Variants in GPC5 observed in about 807,000 individuals in gnomAD.
GPC5 encodes glypican 5, also known as glypican-5.
Under a neutral mutation model 53.9 loss-of-function variants are expected in GPC5, and 47 were observed. The ratio of observed to expected loss-of-function variants is 0.87; its 90% confidence interval spans 0.69 to 1.11. GPC5 has a LOEUF of 1.11. Among genes scored for constraint, GPC5 ranks in the 50% most tolerant of loss-of-function variants. The probability of loss-of-function intolerance (pLI) is 0.00; values close to 1 mark genes in which losing one functional copy is unlikely to be tolerated. For missense variants in GPC5, 748 were observed against 713.1 expected (o/e 1.05, Z -0.56); for synonymous variants, 286 against 263.3 (o/e 1.09, Z -0.84).
chr13:91,920,004 T>G (rs1041668970), intron 6 of GPC5, among the ~76,000 whole-genome samples: 2 of 152,172 alleles, frequency 1.3e-5, no homozygotes, highest in African/African-American at 4.8e-5. Flanking sequence ...GGTGAAATCC[T>G]TTACTATACC....
At chr13:92,325,839 C>G (rs935347607) in intron 7 of GPC5, among the ~76,000 whole-genome samples, 1 of 151,914 alleles carries the variant, frequency 6.6e-6, no homozygotes, top group South Asian at 2.1e-4. Flanking sequence ...TTCCTATGAA[C>G]GAGGCATGGC....
chr13:92,157,588 A>G (rs1469832274), intron 7 of GPC5, among the ~76,000 whole-genome samples: 1 of 152,220 alleles, frequency 6.6e-6, no homozygotes, highest in South Asian at 2.1e-4. Context: ...AGAATTTACA[A>G]TTACAAATGT....
intron 7 of GPC5, among the ~76,000 whole-genome samples, chr13:92,850,758 C>T (rs9523815): frequency 0.2 from 29,734 of 152,138 alleles, 3,642 homozygotes; most frequent in Non-Finnish European, 0.28. Context: ...CTCTCCCATA[C>T]ATCAGTACTA....
chr13:92,823,687 TAC>T (rs1221818356), intron 7 of GPC5, among the ~76,000 whole-genome samples: 1 of 152,066 alleles, frequency 6.6e-6, no homozygotes, highest in Admixed American at 6.6e-5. Context: ...AATTAAAAAA[TAC>T]AGTGAGATTA....
intron 7 of GPC5, among the ~76,000 whole-genome samples, chr13:92,580,735 G>A (rs191567940): frequency 8.5e-5 from 13 of 152,132 alleles, no homozygotes; most frequent in Admixed American, 7.9e-4. Context: ...CAGATTTTGC[G>A]AGAATTCACT....
At chr13:92,604,187 C>T (rs1884175351) in intron 7 of GPC5, among the ~76,000 whole-genome samples, 1 of 152,054 alleles carries the variant, frequency 6.6e-6, no homozygotes, top group African/African-American at 2.4e-5. Flanking sequence ...AATTACTTTA[C>T]AGGAATTCAC....
chr13:91,494,720 T>G (rs1392788594), intron 2 of GPC5, among the ~76,000 whole-genome samples: 1 of 152,162 alleles, frequency 6.6e-6, no homozygotes, highest in Non-Finnish European at 1.5e-5. Flanking sequence ...CTCCTTCTCT[T>G]TGAAATTTGT....
chr13:92,847,903 T>C (rs1003934929), intron 7 of GPC5, among the ~76,000 whole-genome samples: 1 of 152,180 alleles, frequency 6.6e-6, no homozygotes, highest in Non-Finnish European at 1.5e-5. Context: ...TTTGTAGTAA[T>C]AATTATTTGA....
intron 7 of GPC5, among the ~76,000 whole-genome samples, chr13:92,696,865 A>C (rs950936835): frequency 3.9e-5 from 6 of 152,054 alleles, no homozygotes; most frequent in Admixed American, 6.6e-5. Flanking sequence ...ATCTTGAGTC[A>C]ATTTCTGTAT....
intron 1 of GPC5, among the ~76,000 whole-genome samples, chr13:91,406,675 C>A (rs146174940): frequency 6.6e-6 from 1 of 152,096 alleles, no homozygotes; most frequent in African/African-American, 2.4e-5. Flanking sequence ...GTGGTATCAC[C>A]TAGACGTGCA....
intron 2 of GPC5, among the ~76,000 whole-genome samples, chr13:91,628,431 T>C (rs2034066461): frequency 6.6e-6 from 1 of 152,140 alleles, no homozygotes; most frequent in Non-Finnish European, 1.5e-5. Flanking sequence ...AGGTAGATCA[T>C]ACATATCATG....
intron 7 of GPC5, among the ~76,000 whole-genome samples, chr13:92,419,301 C>A (rs1876457318): frequency 6.6e-6 from 1 of 152,060 alleles, no homozygotes; most frequent in Non-Finnish European, 1.5e-5. Flanking sequence ...AGCTGAGAAA[C>A]TTTTCAGCAT....
chr13:91,987,664 A>G (rs939786656), intron 6 of GPC5, among the ~76,000 whole-genome samples: 1 of 150,294 alleles, frequency 6.7e-6, no homozygotes, highest in African/African-American at 2.4e-5. Context: ...CAGTCCATGT[A>G]TTGCTTTGGT....
At position 92,165,069 on chromosome 13, in the gene GPC5, AG is replaced by A. The variant is rs201256009; in HGVS notation, c.1561+20082del. Among the ~76,000 whole-genome samples the A allele has an allele frequency of 4.5e-3, 679 of 152,276 alleles. 3 individuals are homozygous for A. Among genetic ancestry groups the A allele is most frequent in the East Asian group, 0.043 (221 of 5,160 alleles). ...AACCGTCTTTCCCTCCTGATCCTCT[AG>A]GCCTGTGATGGGAGGGGCTGCCGTG... On this transcript the variant is annotated intron_variant, in intron 7 of 7. Coordinates refer to ENST00000377067, the MANE Select transcript of GPC5 (RefSeq NM_004466.6).
rs190535006 is a variant in GPC5 at position 92,359,702 on chromosome 13, C to T, written c.1561+214713C>T. ...GAAAGCAAAGAGGAAGGAGGCACAT[C>T]TTACATGGCTGAAGCAGGAAGAGAG... On this transcript the variant is annotated intron_variant, in intron 7 of 7. Coordinates refer to ENST00000377067, the MANE Select transcript of GPC5 (RefSeq NM_004466.6). Among the ~76,000 whole-genome samples the T allele has an allele frequency of 3.3e-5, 5 of 151,758 alleles. No individual in the cohort carries two copies. In the East Asian group the frequency reaches 9.7e-4, roughly 29 times the overall value.
chr13:91,421,212 A>C (rs1352112095), intron 1 of GPC5, among the ~76,000 whole-genome samples: 1 of 152,204 alleles, frequency 6.6e-6, no homozygotes, highest in East Asian at 1.9e-4. Flanking sequence ...CTGTTCACAG[A>C]ATCTGTTAGC....
chr13:92,099,963 CT>C (rs2041452368), intron 6 of GPC5, among the ~76,000 whole-genome samples: 1 of 152,110 alleles, frequency 6.6e-6, no homozygotes, highest in Non-Finnish European at 1.5e-5. Context: ...CCAAAAGATC[CT>C]CGTGCTGACC....
chr13:92,644,582 T>C (rs1885704206), intron 7 of GPC5, among the ~76,000 whole-genome samples: 1 of 152,188 alleles, frequency 6.6e-6, no homozygotes, highest in Non-Finnish European at 1.5e-5. Context: ...TTGACCCCAG[T>C]TGAAGGATTT....
chr13:91,834,573 G>A (rs1440146942), intron 5 of GPC5, among the ~76,000 whole-genome samples: 1 of 152,022 alleles, frequency 6.6e-6, no homozygotes. Flanking sequence ...ACAGAACAGA[G>A]TCCTCAGAAA....
Sources: gnomAD v4.1 joint callset for allele counts (sites outside exome capture counted in the v4.1 genomes callset) on GRCh38, gnomAD v4.1.1 for gene constraint, MANE v1.5 for transcripts, NCBI Gene and HGNC (gene_info 2026-07-23, HGNC 2026-07-21) for gene names.